Variants in SYNE1 observed in about 807,000 individuals in gnomAD.
SYNE1 encodes the protein spectrin repeat containing nuclear envelope protein 1.
Under a neutral mutation model 1,111.0 loss-of-function variants are expected in SYNE1, and 616 were observed. The ratio of observed to expected loss-of-function variants is 0.55; its 90% CI spans 0.52 to 0.59. The LOEUF is 0.59. SYNE1 is among the 20% of genes least tolerant of loss of function. SYNE1 has a pLI of 0.00. For missense variants in SYNE1, 10,006 were observed against 10,417.0 expected, an observed-to-expected ratio of 0.96 and a Z score of 1.72; for synonymous variants, 3,855 against 3,825.8, an observed-to-expected ratio of 1.01 and a Z score of -0.28.
At chr6:152,421,872 AT>A (rs757612421) in intron 39 of SYNE1, among the ~76,000 whole-genome samples, 46 of 151,904 alleles carry the variant, frequency 3.0e-4, no homozygotes, top group African/African-American at 9.4e-4. Context: ...CACCTGGCTA[AT>A]TTTTGTATTA....
chr6:152,398,438 A>C (rs1272479144), intron 49 of SYNE1, among the ~76,000 whole-genome samples, 181 bp downstream of exon 49: 5 of 152,192 alleles, frequency 3.3e-5, no homozygotes, highest in Non-Finnish European at 7.4e-5. Context: ...CTGTAGCCCC[A>C]ACTTGTTTCT....
At chr6:152,321,121 T>C (rs1267979091) in intron 84 of SYNE1, 117 bp downstream of exon 84, 2 of 1,144,026 alleles carry the variant, frequency 1.7e-6, no homozygotes, top group African/African-American at 1.6e-5. Context: ...TATAGCCATC[T>C]ATTTTTTTTA....
chr6:152,247,088 T>A (rs896473486), intron 105 of SYNE1, among the ~76,000 whole-genome samples: 3 of 152,038 alleles, frequency 2.0e-5, no homozygotes, highest in African/African-American at 7.2e-5. Flanking sequence ...AGATCCAACA[T>A]AGGAAGAAAT....
intron 98 of SYNE1, among the ~76,000 whole-genome samples, chr6:152,270,199 A>C (rs2093086994): frequency 6.6e-6 from 1 of 152,344 alleles, no homozygotes; most frequent in South Asian, 2.1e-4. Context: ...ACTGACCTAC[A>C]TAATTAATAG....
intron 21 of SYNE1, among the ~76,000 whole-genome samples, chr6:152,461,058 C>G (rs1318369627): frequency 6.6e-6 from 1 of 151,972 alleles, no homozygotes. Flanking sequence ...GTGATCTGCT[C>G]GCCTCGGCCT....
At position 152,138,492 on chromosome 6, in the gene SYNE1, T is replaced by TA. The variant is rs1357440837; in HGVS notation, c.25458+1457dup. 2.0e-5 allele frequency among the ~76,000 whole-genome samples: 3 copies of TA among 150,858 alleles called. No homozygotes were observed. In the East Asian group the frequency reaches 5.9e-4, roughly 29 times the overall value. On this transcript the variant is annotated intron_variant, in intron 140 of 145. Coordinates refer to ENST00000367255, the MANE Select transcript of SYNE1 (RefSeq NM_182961.4). Reference sequence around the variant, plus strand: ...CACCACTGCACTCTAGCCTGGGTGATAGAGTGAGACTCTGTCTCAAAAATA... The same window carrying TA: ...CACCACTGCACTCTAGCCTGGGTGATAAGAGTGAGACTCTGTCTCAAAAATA...
At chr6:152,308,816 A>C (rs1340532712) in intron 90 of SYNE1, among the ~76,000 whole-genome samples, 184 bp from the exon 91 acceptor site, 1 of 152,174 alleles carries the variant, frequency 6.6e-6, no homozygotes, top group Non-Finnish European at 1.5e-5. Context: ...TTCTCTCTAA[A>C]ATGTTGTAGC....
Position 152,616,281 on chromosome 6 carries a change from A to G in SYNE1, c.67+11984T>C, listed in dbSNP as rs568435310. 1.4e-4 allele frequency among the ~76,000 whole-genome samples: 22 copies of G among 152,200 alleles called. No homozygotes were observed. The South Asian group carries it at 3.3e-3, about 23-fold the overall frequency. On this transcript the variant is annotated intron_variant, in intron 3 of 145. Transcript: ENST00000367255. ...GACAGGTTGCCTGACAGTGCTCAGG[A>G]GCTAGTGTTGGGCCGGGCACGGTCA...
intron 86 of SYNE1, among the ~76,000 whole-genome samples, chr6:152,317,360 A>G (rs540794247): frequency 6.6e-6 from 1 of 151,508 alleles, no homozygotes; most frequent in South Asian, 2.1e-4. Flanking sequence ...AGCTGGGACC[A>G]CAGGCACGTG....
chr6:152,474,111 G>A (rs1490930185), intron 14 of SYNE1, among the ~76,000 whole-genome samples: 1 of 152,036 alleles, frequency 6.6e-6, no homozygotes, highest in Non-Finnish European at 1.5e-5. Flanking sequence ...CTTGAACCCA[G>A]GAGGTGGAGG....
rs747206687 is a variant in SYNE1 at position 152,148,187 on chromosome 6, C to T, written c.24834G>A (p.Val8278=). 1 of 1,614,164 alleles carries T rather than the reference C, an allele frequency of 6.2e-7. No homozygotes were observed. The highest frequency in any genetic ancestry group is 8.5e-7 in the Non-Finnish European group (1 of 1,180,030). Residue 8278 remains valine (V), a synonymous_variant, in exon 137 of 146, where the codon GTG becomes GTA. Coordinates refer to ENST00000367255, the MANE Select transcript of SYNE1 (RefSeq NM_182961.4). The surrounding 1 kb of genome is among the most constrained non-coding windows in gnomAD (Gnocchi z 4.1). ...ERSGRDTPAS[V]DSIPLEWDHD... ...GATCCCACTCCAGGGGGATGGAGTC[C>T]ACACTAGCCGGGGTGTCTCGTCCTG...
chr6:152,521,447 C>T (rs1346504061), intron 5 of SYNE1, among the ~76,000 whole-genome samples: 2 of 152,270 alleles, frequency 1.3e-5, no homozygotes, highest in East Asian at 3.9e-4. Flanking sequence ...AATGGTTGTA[C>T]TACTTTTTAT....
chr6:152,566,079 T>A (rs1411676983), intron 3 of SYNE1, among the ~76,000 whole-genome samples: 1 of 152,208 alleles, frequency 6.6e-6, no homozygotes, highest in African/African-American at 2.4e-5. Flanking sequence ...TATTTTTTTC[T>A]TCCACAGCAC....
intron 101 of SYNE1, among the ~76,000 whole-genome samples, chr6:152,261,177 G>A (rs2091936887): frequency 6.6e-6 from 1 of 152,174 alleles, no homozygotes; most frequent in African/African-American, 2.4e-5. Context: ...AACAGGAAAG[G>A]TTTTAGAATT....
intron 5 of SYNE1, among the ~76,000 whole-genome samples, chr6:152,521,761 C>A (rs990962359): frequency 9.9e-5 from 15 of 152,164 alleles, no homozygotes; most frequent in Non-Finnish European, 1.5e-5. Flanking sequence ...TGATTTAATC[C>A]TTTTACAACA....
rs1051264379 is a variant in SYNE1 at position 152,122,187 on chromosome 6, T to C, written c.*249A>G. 1.8e-6 allele frequency: 1 copy of C among 566,210 alleles called. No individual in the cohort carries two copies. The highest frequency in any genetic ancestry group is 3.1e-6 in the Non-Finnish European group (1 of 322,982). 35.1% of individuals were successfully genotyped at this position (566,210 alleles called of 1,614,324 possible). ...CTTTGGAGGTCCTTACTCAATCTCC[T>C]TAGTGCTAAGGTTCAGAGTCTCAAA... On this transcript the variant is annotated 3_prime_UTR_variant, in exon 146 of 146. Transcript: ENST00000367255.
chr6:152,350,168 C>T lies in SYNE1; in HGVS notation c.11901G>A (p.Lys3967=). ...ETITQQLAHH[K]AMMEEIAGFE... ...GCAGCCCTTTAAAGGTCAGGGGTAC[C>T]TTGTGGTGGGCCAATTGCTGGGTGA... is the stretch of plus-strand genomic sequence containing the variant. Residue 3967 remains lysine, a splice_region_variant and synonymous_variant, in exon 72 of 146, where the codon AAG becomes AAA. Transcript: ENST00000367255. 3.7e-6 allele frequency: 6 copies of T among 1,613,118 alleles called. No individual in the cohort carries two copies. Among genetic ancestry groups the T allele is most frequent in the Non-Finnish European group, 5.1e-6 (6 of 1,180,020 alleles).
intron 127 of SYNE1, among the ~76,000 whole-genome samples, chr6:152,192,252 G>C (rs1180636823): frequency 6.6e-6 from 1 of 152,100 alleles, no homozygotes; most frequent in Admixed American, 6.6e-5. Context: ...GTAAATATCT[G>C]TTAGGTCCAT....
In SYNE1 at chr6:152,500,873, C is replaced by T. The variant is rs371590038; in HGVS notation, c.888+1760G>A. On this transcript the variant is annotated intron_variant, in intron 10 of 145. Transcript: ENST00000367255. ...GGCTGAGGCAGGAGAATGGCATGAA[C>T]CTGGGAGGCGGAGCTTGCAGTGAGC... Among the ~76,000 whole-genome samples the T allele has an allele frequency of 5.4e-4, 82 of 151,184 alleles. 1 individual carries two copies. The South Asian group carries it at 0.016, about 29-fold the overall frequency.
Sources: gnomAD v4.1 joint callset for allele counts (sites outside exome capture counted in the v4.1 genomes callset) on GRCh38, gnomAD v4.1.1 for gene constraint, Gnocchi (gnomAD v3.1) non-coding constraint, MANE v1.5 for transcripts, NCBI Gene and HGNC (gene_info 2026-07-23, HGNC 2026-07-21) for gene names.